XRN1: variants seen among roughly 807,000 people sequenced by gnomAD.
XRN1 encodes strand-exchange protein 1 homolog.
XRN1 carries 67 observed loss-of-function variants against 222.3 expected under a neutral mutation model. That is an observed-to-expected ratio of 0.30 (90% confidence interval 0.25 to 0.37). The LOEUF (loss-of-function observed/expected upper bound fraction) is 0.37. Among genes scored for constraint, XRN1 ranks in the 10% least tolerant of loss-of-function variants. The probability of loss-of-function intolerance (pLI) is 1.00; values close to 1 mark genes in which losing one functional copy is unlikely to be tolerated. For missense variants in XRN1, 1,707 were observed against 2,000.2 expected (o/e 0.85, Z 2.80); for synonymous variants, 643 against 652.4 (o/e 0.99, Z 0.22).
intron 33 of XRN1, among the ~76,000 whole-genome samples, chr3:142,337,059 T>A (rs976478683): frequency 2.0e-5 from 3 of 152,234 alleles, no homozygotes; most frequent in South Asian, 2.1e-4. Context: ...TTTTAATACC[T>A]ATAATATATA....
intron 37 of XRN1, among the ~76,000 whole-genome samples, chr3:142,328,721 AT>A (rs1263099591): frequency 1.1e-4 from 1 of 9,092 alleles, no homozygotes; most frequent in Non-Finnish European, 1.8e-4. Flanking sequence ...ATATATATAT[AT>A]ATATATATAT....
chr3:142,431,975 GTATATATTATATAATATATTGTA>G (rs2069613099), intron 2 of XRN1, among the ~76,000 whole-genome samples: 1 of 61,008 alleles, frequency 1.6e-5, no homozygotes, highest in African/African-American at 6.4e-5. Flanking sequence ...ATAATATATT[GTATATATTATATAATATATTGTA>G]TATATATAAA....
rs1466869755 is a variant in XRN1 at position 142,447,907 on chromosome 3, C to T, written c.38G>A (p.Arg13Gln). 6.2e-7 allele frequency: 1 copy of T among 1,613,956 alleles called. No individual in the cohort carries two copies. The highest frequency in any genetic ancestry group is 1.7e-5 in the Admixed American group (1 of 60,010). ...CACCACTTCGCTGAGACAGGGATACCGCTCTGAGATCCATCTGTAAAACTT... is the reference window on the plus strand; with the variant it reads ...CACCACTTCGCTGAGACAGGGATACTGCTCTGAGATCCATCTGTAAAACTT... Reference protein sequence around the residue: ...VPKFYRWISERYPCLSEVVKE... With the variant: ...VPKFYRWISEQYPCLSEVVKE... Residue 13 changes from arginine to glutamine, a missense_variant, in exon 1 of 41, where the codon CGG becomes CAG. By Grantham distance (43) the Arg-to-Gln change is conservative (BLOSUM62 1). Transcript: ENST00000392981. This position sits in a 1 kb window ranked among gnomAD's most constrained non-coding sequence, Gnocchi z 4.2.
intron 32 of XRN1, among the ~76,000 whole-genome samples, chr3:142,348,570 T>C (rs1054339188): frequency 1.3e-5 from 2 of 152,130 alleles, no homozygotes; most frequent in African/African-American, 4.8e-5. Flanking sequence ...GCAGCAGAAG[T>C]GGAGGCTAGA....
intron 22 of XRN1, among the ~76,000 whole-genome samples, chr3:142,381,206 A>G (rs2067291038): frequency 6.6e-6 from 1 of 152,126 alleles, no homozygotes; most frequent in Non-Finnish European, 1.5e-5. Flanking sequence ...GTGTGTATTT[A>G]CTTATACATA....
At chr3:142,316,214 CTT>C (rs377522108) in intron 39 of XRN1, among the ~76,000 whole-genome samples, 5 of 111,826 alleles carry the variant, frequency 4.5e-5, no homozygotes, top group African/African-American at 1.0e-4. Flanking sequence ...TCATTATCTT[CTT>C]TTTTTTTTTT....
chr3:142,365,212 C>A, intron 28 of XRN1, 33 bp from the exon 29 acceptor site: 2 of 1,582,296 alleles, frequency 1.3e-6, no homozygotes, highest in Admixed American at 1.9e-5. Context: ...TTATAATAAA[C>A]AAAAAAATTT....
At chr3:142,445,384 G>A (rs754119962) in intron 1 of XRN1, among the ~76,000 whole-genome samples, 2 of 151,938 alleles carry the variant, frequency 1.3e-5, no homozygotes, top group African/African-American at 2.4e-5. Flanking sequence ...AAGTTTTTAT[G>A]TCTGGAGAGA....
chr3:142,359,833 A>G, intron 30 of XRN1, 29 bp downstream of exon 30: 1 of 1,503,392 alleles, frequency 6.7e-7, no homozygotes, highest in Non-Finnish European at 9.1e-7. Context: ...CATATTCACA[A>G]AGGGCAATTA....
At chr3:142,384,131 G>C (rs2067404427) in intron 21 of XRN1, among the ~76,000 whole-genome samples, 1 of 151,980 alleles carries the variant, frequency 6.6e-6, no homozygotes, top group African/African-American at 2.4e-5. Context: ...AATTAGCCAG[G>C]TGTGCTGGCG....
chr3:142,369,976 G>C (rs1156762012), intron 27 of XRN1, among the ~76,000 whole-genome samples: 1 of 151,634 alleles, frequency 6.6e-6, no homozygotes, highest in African/African-American at 2.4e-5. Context: ...CAATCTGGGA[G>C]GCGGAGGTTG....
chr3:142,344,750 A>C (rs960414060), intron 33 of XRN1, among the ~76,000 whole-genome samples: 1 of 152,190 alleles, frequency 6.6e-6, no homozygotes, highest in Admixed American at 6.5e-5. Flanking sequence ...AAGAAATTAA[A>C]GACCGAAATA....
rs115206972 is a variant in XRN1, at chr3:142,321,947, C to A, written c.4405-3044G>T. ...ACTTCTTCCCTTCTAATTTAGATGT[C>A]TTTTATTTATTTATTTTTCTTACTT... is the stretch of plus-strand genomic sequence containing the variant. On this transcript the variant is annotated intron_variant, in intron 37 of 40. Transcript: ENST00000392981. 4.3e-3 allele frequency among the ~76,000 whole-genome samples: 650 copies of A among 152,192 alleles called. 5 individuals are homozygous for A. The highest frequency in any genetic ancestry group is 0.015 in the African/African-American group (610 of 41,558).
chr3:142,403,535 A>G, intron 18 of XRN1, 139 bp downstream of exon 18: 1 of 682,798 alleles, frequency 1.5e-6, no homozygotes, highest in Non-Finnish European at 2.5e-6. Context: ...ATTTGTATGA[A>G]TGTTTCTTTG....
In XRN1 at chr3:142,311,423, T is replaced by C. The variant is rs1397937932; in HGVS notation, c.*88A>G. On this transcript the variant is annotated 3_prime_UTR_variant, in exon 41 of 41. Transcript: ENST00000392981. ...ATTTACACATATTATTTTAAAATAG[T>C]ACATTCTAATTTTTATGAGACATAG... 8 of 1,248,392 alleles carry C rather than the reference T, an allele frequency of 6.4e-6. No homozygotes were observed. In the East Asian group the frequency reaches 1.7e-4, roughly 27 times the overall value. 77.3% of individuals were successfully genotyped at this position (1,248,392 alleles called of 1,614,324 possible). A position where few individuals can be genotyped will look rare whatever the true frequency, so the allele number is the denominator to read the frequency against.
intron 1 of XRN1, among the ~76,000 whole-genome samples, chr3:142,442,204 G>T (rs1453048856): frequency 3.3e-5 from 5 of 152,140 alleles, no homozygotes; most frequent in African/African-American, 9.7e-5. Flanking sequence ...TCCTAACTTT[G>T]GAGGGAACAC....
intron 33 of XRN1, among the ~76,000 whole-genome samples, chr3:142,343,616 C>T (rs746530493): frequency 6.6e-6 from 1 of 151,830 alleles, no homozygotes; most frequent in Non-Finnish European, 1.5e-5. Flanking sequence ...AAAAAGGTAC[C>T]CCTGTATACT....
chr3:142,341,317 AATT>A (rs767489027), intron 33 of XRN1, among the ~76,000 whole-genome samples: 3 of 152,134 alleles, frequency 2.0e-5, no homozygotes, highest in Non-Finnish European at 2.9e-5. Flanking sequence ...AAAAGCAAGA[AATT>A]ATGTCACACC....
At chr3:142,389,161 C>T (rs1310350541) in intron 20 of XRN1, among the ~76,000 whole-genome samples, 2 of 152,110 alleles carry the variant, frequency 1.3e-5, no homozygotes, top group Non-Finnish European at 2.9e-5. Context: ...TGCAGTGAGC[C>T]GAGATCGCAC....
Sources: gnomAD v4.1 joint callset for allele counts (sites outside exome capture counted in the v4.1 genomes callset) on GRCh38, gnomAD v4.1.1 for gene constraint, Gnocchi (gnomAD v3.1) non-coding constraint, MANE v1.5 for transcripts, NCBI Gene and HGNC (gene_info 2026-07-23, HGNC 2026-07-21) for gene names.